SCN8A: variants seen among roughly 807,000 people sequenced by gnomAD.
The protein encoded by SCN8A is sodium channel protein type 8 subunit alpha.
SCN8A carries 30 observed loss-of-function variants against 184.1 expected under a neutral mutation model. The ratio of observed to expected loss-of-function variants is 0.16; its 90% CI spans 0.12 to 0.22. SCN8A has a LOEUF of 0.22. SCN8A is among the 10% of genes least tolerant of loss of function. The probability of loss-of-function intolerance (pLI) is 1.00; values close to 1 mark genes in which losing one functional copy is unlikely to be tolerated. For synonymous variants in SCN8A, 852 were observed against 907.0 expected (o/e 0.94, Z 1.09); for missense variants, 1,057 against 2,498.9 (o/e 0.42, Z 12.30).
At chr12:51,755,007 G>A (rs1192350570) in intron 14 of SCN8A, among the ~76,000 whole-genome samples, 1 of 152,104 alleles carries the variant, frequency 6.6e-6, no homozygotes, top group African/African-American at 2.4e-5. Flanking sequence ...TCCTCTATAG[G>A]TTCTAGATTT....
intron 1 of SCN8A, among the ~76,000 whole-genome samples, chr12:51,612,978 TC>T (rs1307112292): frequency 1.3e-5 from 2 of 152,256 alleles, no homozygotes; most frequent in African/African-American, 4.8e-5. Context: ...CCGCCCTGCC[TC>T]CCAAAGTGCT....
intron 12 of SCN8A, among the ~76,000 whole-genome samples, chr12:51,742,854 A>G (rs540928536): frequency 1.3e-5 from 2 of 151,954 alleles, no homozygotes; most frequent in Admixed American, 1.3e-4. Flanking sequence ...TTTTGAGGCT[A>G]TTTGCTAGAT....
intron 1 of SCN8A, among the ~76,000 whole-genome samples, chr12:51,604,460 C>CT (rs1049029200): frequency 6.6e-6 from 1 of 151,932 alleles, no homozygotes; most frequent in Non-Finnish European, 1.5e-5. Context: ...CACACGGTCT[C>CT]TTTTTTCCCC....
intron 12 of SCN8A, among the ~76,000 whole-genome samples, chr12:51,736,580 C>T (rs902596957): frequency 6.6e-6 from 1 of 152,184 alleles, no homozygotes; most frequent in African/African-American, 2.4e-5. Flanking sequence ...AAGTGTCCAG[C>T]ATTAGATATT....
In SCN8A at chr12:51,649,867, C is replaced by A. The variant is rs567346274; in HGVS notation, c.-54-12897C>A. Reference sequence around the variant, plus strand: ...AAATTTCTGCAGCCAGCTTGTATTTCTCCTCAGAAAATGGGTTTTTCTTTT... The same window carrying A: ...AAATTTCTGCAGCCAGCTTGTATTTATCCTCAGAAAATGGGTTTTTCTTTT... On this transcript the variant is annotated intron_variant, in intron 1 of 26. Transcript: ENST00000627620. Among the ~76,000 whole-genome samples, 3 of 152,300 alleles carry A rather than the reference C, an allele frequency of 2.0e-5. No individual in the cohort carries two copies. In the South Asian group the frequency reaches 6.2e-4, roughly 32 times the overall value.
At chr12:51,764,406 G>A (rs940143191) in intron 15 of SCN8A, among the ~76,000 whole-genome samples, 4 of 152,092 alleles carry the variant, frequency 2.6e-5, no homozygotes, top group African/African-American at 7.2e-5. Context: ...AGGCCAAGGC[G>A]GGCGCATCAC....
rs58113407 is a variant in SCN8A, at chr12:51,789,618, A to G, written c.4419+200A>G. On this transcript the variant is annotated intron_variant, in intron 24 of 26. Coordinates refer to ENST00000627620, the MANE Select transcript of SCN8A (RefSeq NM_001330260.2). ...TGGATTTTGCAGCATGTAGTTTACC[A>G]CACTTACTAGCAGTCTTTTATTCTT... 0.027 allele frequency among the ~76,000 whole-genome samples: 4,178 copies of G among 152,262 alleles called. 181 individuals are homozygous for G. The highest frequency in any genetic ancestry group is 0.092 in the African/African-American group (3,826 of 41,534).
At chr12:51,645,150 C>T (rs1488825985) in intron 1 of SCN8A, among the ~76,000 whole-genome samples, 2 of 149,580 alleles carry the variant, frequency 1.3e-5, no homozygotes. Flanking sequence ...GCCGCCCCTA[C>T]TGGGAAGTGA....
At position 51,721,489 on chromosome 12, in the gene SCN8A, G is replaced by A. The variant is rs1942059454; in HGVS notation, c.1636-57G>A. Reference sequence around the variant, plus strand: ...CCTAACCACTTTGCTCAGTATAAAGGTCCACACTCCCGTCTCATTTCCCCG... The same window carrying A: ...CCTAACCACTTTGCTCAGTATAAAGATCCACACTCCCGTCTCATTTCCCCG... On this transcript the variant is annotated intron_variant, in intron 11 of 26. Coordinates refer to ENST00000627620, the MANE Select transcript of SCN8A (RefSeq NM_001330260.2). 2.0e-6 allele frequency: 3 copies of A among 1,511,260 alleles called. No individual in the cohort carries two copies. The African/African-American group carries it at 4.1e-5, about 21-fold the overall frequency. The allele number at this position is 1,511,260 out of a possible 1,614,324, so 93.6% of individuals were successfully genotyped here.
chr12:51,682,555 T>C (rs566154095), intron 2 of SCN8A, among the ~76,000 whole-genome samples: 5 of 152,314 alleles, frequency 3.3e-5, no homozygotes, highest in Admixed American at 2.6e-4. Flanking sequence ...ATAGAAAATT[T>C]CTAGAAGGAT....
chr12:51,807,318 C>G lies in SCN8A; in HGVS notation c.5832C>G (p.Leu1944=). Reference sequence around the variant, plus strand: ...AGAGCACCCCATCTACAGCCTCCCTCCCGTCCTATGACAGTGTAACTAAAC... The same window carrying G: ...AGAGCACCCCATCTACAGCCTCCCTGCCGTCCTATGACAGTGTAACTAAAC... ...KKESTPSTAS[L]PSYDSVTKPE... The change falls in exon 27 of 27, where the codon CTC becomes CTG. Residue 1944 remains leucine, a synonymous_variant. Coordinates refer to ENST00000627620, the MANE Select transcript of SCN8A (RefSeq NM_001330260.2). This position sits in a 1 kb window ranked among gnomAD's most constrained non-coding sequence, Gnocchi z 4.5. 2 of 1,613,878 alleles carry G rather than the reference C, an allele frequency of 1.2e-6. No individual in the cohort carries two copies. Among genetic ancestry groups the G allele is most frequent in the African/African-American group, 2.7e-5 (2 of 75,008 alleles).
chr12:51,690,250 C>T (rs888304258), intron 6 of SCN8A, among the ~76,000 whole-genome samples: 5 of 152,326 alleles, frequency 3.3e-5, no homozygotes, highest in South Asian at 2.1e-4. Context: ...ACAGCAGTTT[C>T]GTAGAAATAG....
intron 2 of SCN8A, among the ~76,000 whole-genome samples, chr12:51,681,441 T>C (rs1592376077): frequency 6.6e-6 from 1 of 152,160 alleles, no homozygotes; most frequent in Non-Finnish European, 1.5e-5. Context: ...TTTAAAAGGC[T>C]ATTTTCATAG....
intron 11 of SCN8A, chr12:51,712,458 GTTT>G: frequency 1.3e-6 from 1 of 767,438 alleles, no homozygotes; most frequent in Non-Finnish European, 2.4e-6. Context: ...CTTTTCTGCT[GTTT>G]TTAGAACCTT....
chr12:51,690,867 T>G (rs1276509910), intron 6 of SCN8A, among the ~76,000 whole-genome samples: 3 of 152,156 alleles, frequency 2.0e-5, no homozygotes, highest in African/African-American at 7.2e-5. Context: ...TCCTATATTT[T>G]TAGCGATGGT....
In SCN8A at chr12:51,806,949, G is replaced by T. The variant is rs1938718682; in HGVS notation, c.5463G>T (p.Val1821=). ...ATGCCTTGGAGCATCCTCTCCGAGT[G>T]CCCAAGCCCAATACCATTGAGCTCA... ...FADALEHPLR[V]PKPNTIELIA... Residue 1821 remains valine (V), a synonymous_variant, in exon 27 of 27, where the codon GTG becomes GTT. Transcript: ENST00000627620. The surrounding 1 kb of genome is among the most constrained non-coding windows in gnomAD (Gnocchi z 8.7). The T allele has an allele frequency of 6.2e-7, 1 of 1,613,738 alleles. No individual in the cohort carries two copies. Among genetic ancestry groups the T allele is most frequent in the African/African-American group, 1.3e-5 (1 of 74,930 alleles).
At chr12:51,597,673 C>T (rs903483991) in intron 1 of SCN8A, among the ~76,000 whole-genome samples, 1 of 151,176 alleles carries the variant, frequency 6.6e-6, no homozygotes, top group African/African-American at 2.5e-5. Context: ...TTAATCTGTT[C>T]TTCTCTCCTT....
intron 20 of SCN8A, among the ~76,000 whole-genome samples, chr12:51,779,493 C>T (rs1054160074): frequency 1.4e-4 from 22 of 152,238 alleles, no homozygotes; most frequent in Admixed American, 1.1e-3. Context: ...CCCCCTGGTA[C>T]GGCAACATAT....
At position 51,699,730 on chromosome 12, in the gene SCN8A, C is replaced by T. The variant is rs375801783; in HGVS notation, c.867C>T (p.Asn289=). The T allele has an allele frequency of 6.2e-5, 100 of 1,613,716 alleles. 1 individual carries two copies. The highest frequency in any genetic ancestry group is 7.7e-5 in the Non-Finnish European group (91 of 1,179,852). ...NKCVVWPINF[N]ESYLENGTKG... ...GTGTTGTGTGGCCCATAAACTTCAA[C>T]GAGAGCTATCTTGAAAATGGCACCA... The change falls in exon 7 of 27, where the codon AAC becomes AAT. Residue 289 remains asparagine (N), a synonymous_variant. Coordinates refer to ENST00000627620, the MANE Select transcript of SCN8A (RefSeq NM_001330260.2).
Sources: gnomAD v4.1 joint callset for allele counts (sites outside exome capture counted in the v4.1 genomes callset) on GRCh38, gnomAD v4.1.1 for gene constraint, Gnocchi (gnomAD v3.1) non-coding constraint, MANE v1.5 for transcripts, NCBI Gene and HGNC (gene_info 2026-07-23, HGNC 2026-07-21) for gene names.